Variants in R3HDM1 observed in about 807,000 individuals in gnomAD.
R3HDM1 encodes the protein R3H domain containing 1.
In R3HDM1, 46 loss-of-function variants were observed where a neutral mutation model predicts 141.1. The observed-to-expected ratio is 0.33, with a 90% CI of 0.26 to 0.42. The LOEUF is 0.42. Ranked by LOEUF, R3HDM1 falls within the 10% of genes least tolerant of loss-of-function variation. The pLI is 1.00. For missense variants in R3HDM1, 1,184 were observed against 1,368.3 expected, an observed-to-expected ratio of 0.87 and a Z score of 2.12; for synonymous variants, 435 against 472.9, an observed-to-expected ratio of 0.92 and a Z score of 1.04.
rs1026542006 is a variant in R3HDM1, at chr2:135,667,240, G to A, written c.2152+5847G>A. 7.2e-6 allele frequency: 7 copies of A among 966,278 alleles called. No homozygotes were observed. In the African/African-American group the frequency reaches 1.2e-4, roughly 17 times the overall value. 59.9% of individuals were successfully genotyped at this position (966,278 alleles called of 1,614,324 possible). A position where few individuals can be genotyped will look rare whatever the true frequency, so the allele number is the denominator to read the frequency against. ...GTGAGAGTTAAAAATAGAACATTCT[G>A]TGGAGCCCTCCAGGGAAGTTCCTGA... On this transcript the variant is annotated intron_variant, in intron 19 of 26. Transcript: ENST00000683871.
chr2:135,689,777 ACAACAACT>A (rs1262642457), intron 21 of R3HDM1, among the ~76,000 whole-genome samples: 1 of 152,154 alleles, frequency 6.6e-6, no homozygotes, highest in Non-Finnish European at 1.5e-5. Context: ...CACTAATTTT[ACAACAACT>A]CATGAGATTT....
chr2:135,692,337 C>G (rs1419214194), intron 21 of R3HDM1, among the ~76,000 whole-genome samples: 1 of 152,070 alleles, frequency 6.6e-6, no homozygotes, highest in East Asian at 1.9e-4. Flanking sequence ...CAGTGGCTCA[C>G]GTCTGTAATC....
intron 1 of R3HDM1, among the ~76,000 whole-genome samples, chr2:135,537,608 CTTATTTTATT>C (rs60815896): frequency 0.15 from 15,775 of 107,252 alleles, 1,724 homozygotes; most frequent in African/African-American, 0.3. Context: ...TTAGTGAGCC[CTTATTTTATT>C]TTATTTTATT....
intron 5 of R3HDM1, chr2:135,620,399 G>A (rs1302368264): frequency 3.5e-5 from 29 of 835,342 alleles, no homozygotes; most frequent in Non-Finnish European, 4.2e-5. Context: ...ACTGGTTGAT[G>A]AGTGTAAGGA....
chr2:135,540,135 A>T (rs1559083503), intron 1 of R3HDM1, among the ~76,000 whole-genome samples: 1 of 152,236 alleles, frequency 6.6e-6, no homozygotes, highest in Non-Finnish European at 1.5e-5. Context: ...AGTAGAGTCC[A>T]TCTCAAGAAA....
At chr2:135,667,323 C>T in intron 19 of R3HDM1, 1 of 699,840 alleles carries the variant, frequency 1.4e-6, no homozygotes, top group Non-Finnish European at 1.8e-6. Flanking sequence ...GTGCTTTCCT[C>T]TGAAAGTGCT....
chr2:135,716,016 T>TA (rs1269157897), intron 24 of R3HDM1, among the ~76,000 whole-genome samples: 6 of 152,228 alleles, frequency 3.9e-5, no homozygotes. Context: ...AATTTCTACT[T>TA]AGAGTAATAT....
At chr2:135,704,854 ATAATT>A (rs1452923766) in intron 21 of R3HDM1, among the ~76,000 whole-genome samples, 1 of 152,214 alleles carries the variant, frequency 6.6e-6, no homozygotes, top group Non-Finnish European at 1.5e-5. Context: ...ATTCATTAAT[ATAATT>A]TAATGATCAT....
chr2:135,583,894 C>T lies in R3HDM1; in HGVS notation c.-249-18606C>T, dbSNP rs547422561. ...CATAGTTGCCCCAGTTCCTATCATT[C>T]AGATGGGTATTATCTTTTTACCTTA... On this transcript the variant is annotated intron_variant, in intron 1 of 26. Transcript: ENST00000683871. 1.0e-4 allele frequency: 101 copies of T among 985,426 alleles called. No individual in the cohort carries two copies. The African/African-American group carries it at 1.6e-3, about 16-fold the overall frequency. 61.0% of individuals were successfully genotyped at this position (985,426 alleles called of 1,614,324 possible). A position where few individuals can be genotyped will look rare whatever the true frequency, so the allele number is the denominator to read the frequency against.
chr2:135,710,059 C>G lies in R3HDM1; in HGVS notation c.2564C>G (p.Ala855Gly), dbSNP rs1393919509. ...SQQLQGHQCT[A>G]GPPPPPGGGM... ...TAGCATCCTAAATTCTGATTTTCAG[C>G]TGGACCACCACCGCCACCTGGTGGG... The change falls in exon 23 of 27, where the codon GCT becomes GGT. Residue 855 changes from alanine to glycine, a missense_variant and splice_region_variant. Transcript: ENST00000683871. The G allele has an allele frequency of 6.2e-7, 1 of 1,612,520 alleles. No homozygotes were observed. The highest frequency in any genetic ancestry group is 1.7e-5 in the Admixed American group (1 of 59,742).
At chr2:135,695,272 T>C (rs564594691) in intron 21 of R3HDM1, among the ~76,000 whole-genome samples, 10 of 152,072 alleles carry the variant, frequency 6.6e-5, no homozygotes, top group African/African-American at 1.2e-4. Context: ...CTGTCTCCAA[T>C]CAAAAATTAC....
At chr2:135,631,597 G>A (rs2062724817) in intron 7 of R3HDM1, 121 bp from the exon 8 acceptor site, 4 of 659,930 alleles carry the variant, frequency 6.1e-6, no homozygotes, top group Non-Finnish European at 9.6e-6. Context: ...CAAGATTGGG[G>A]TAATACTGAA....
intron 23 of R3HDM1, among the ~76,000 whole-genome samples, chr2:135,715,034 A>T (rs1417625107): frequency 1.3e-5 from 2 of 152,224 alleles, no homozygotes; most frequent in African/African-American, 2.4e-5. Context: ...TGAAAAATGG[A>T]TGTATGAATG....
intron 14 of R3HDM1, among the ~76,000 whole-genome samples, chr2:135,641,319 T>C (rs2063767096): frequency 6.6e-6 from 1 of 152,202 alleles, no homozygotes; most frequent in Non-Finnish European, 1.5e-5. Context: ...TTGCATGCTT[T>C]GGCAGTGATT....
chr2:135,659,645 C>T (rs2066432169), intron 18 of R3HDM1, among the ~76,000 whole-genome samples: 1 of 151,980 alleles, frequency 6.6e-6, no homozygotes, highest in Non-Finnish European at 1.5e-5. Context: ...ACTATGTGGC[C>T]CAGTCAGATC....
intron 1 of R3HDM1, among the ~76,000 whole-genome samples, chr2:135,582,454 C>G (rs1018903147): frequency 5.3e-5 from 8 of 152,198 alleles, no homozygotes; most frequent in Admixed American, 1.3e-4. Context: ...TCAGTAAAAG[C>G]AGAATCTTAA....
At chr2:135,643,472 A>G (rs1379487015) in intron 15 of R3HDM1, among the ~76,000 whole-genome samples, 1 of 151,974 alleles carries the variant, frequency 6.6e-6, no homozygotes, top group Non-Finnish European at 1.5e-5. Flanking sequence ...TTTTAAGACA[A>G]TTTAAGAAAC....
intron 7 of R3HDM1, among the ~76,000 whole-genome samples, chr2:135,625,402 G>A (rs1326117865): frequency 6.6e-6 from 1 of 152,068 alleles, no homozygotes; most frequent in Non-Finnish European, 1.5e-5. Flanking sequence ...CCGAGATCAC[G>A]CCATTGCACT....
rs1010729709 is a variant in R3HDM1, at chr2:135,684,355, C to T, written c.2459+4031C>T. On this transcript the variant is annotated intron_variant, in intron 21 of 26. Coordinates refer to ENST00000683871, the MANE Select transcript of R3HDM1 (RefSeq NM_001378107.1). Reference sequence around the variant, plus strand: ...CCGCCCACCGTGGCCTCCCAAAGTGCTGGGATTACAGGCGTGAGCCACCGC... The same window carrying T: ...CCGCCCACCGTGGCCTCCCAAAGTGTTGGGATTACAGGCGTGAGCCACCGC... 2.4e-4 allele frequency among the ~76,000 whole-genome samples: 37 copies of T among 152,312 alleles called. 1 individual carries two copies. The highest frequency in any genetic ancestry group is 2.3e-3 in the East Asian group (12 of 5,180).
Sources: gnomAD v4.1 joint callset for allele counts (sites outside exome capture counted in the v4.1 genomes callset) on GRCh38, gnomAD v4.1.1 for gene constraint, MANE v1.5 for transcripts, NCBI Gene and HGNC (gene_info 2026-07-23, HGNC 2026-07-21) for gene names.